The following CRK variants were observed in gnomAD, a reference collection of about 807,000 sequenced individuals.
The protein encoded by CRK is CRK proto-oncogene, adaptor protein, also known as adapter molecule crk.
A neutral mutation model predicts 29.8 loss-of-function variants in CRK; 4 were observed. The ratio of observed to expected loss-of-function variants is 0.13; its 90% CI spans 0.07 to 0.31. The LOEUF is 0.31. CRK is among the 10% of genes least tolerant of loss of function. CRK has a pLI of 1.00. For synonymous variants in CRK, 153 were observed against 164.9 expected, an observed-to-expected ratio of 0.93 and a Z score of 0.55; for missense variants, 274 against 396.5, an observed-to-expected ratio of 0.69 and a Z score of 2.62.
At chr17:1,449,667 AGCT>A (rs2074002910) in intron 1 of CRK, among the ~76,000 whole-genome samples, 1 of 152,146 alleles carries the variant, frequency 6.6e-6, no homozygotes, top group South Asian at 2.1e-4. Context: ...TGAAAGGTTT[AGCT>A]GTTCAAGAGA....
intron 2 of CRK, among the ~76,000 whole-genome samples, chr17:1,427,551 C>T (rs1313159395): frequency 6.6e-6 from 1 of 151,938 alleles, no homozygotes; most frequent in Non-Finnish European, 1.5e-5. Flanking sequence ...CGAGATCACG[C>T]CACTGCACTC....
rs187988198 is a variant in CRK, at chr17:1,430,858, C to G, written c.777+5762G>C. ...CGAGGTGGGTGGATCACGAGGTCAG[C>G]AGATCGAGACCATCCTGGCTAACAC... On this transcript the variant is annotated intron_variant, in intron 2 of 2. Transcript: ENST00000300574. 6.9e-3 allele frequency among the ~76,000 whole-genome samples: 1,047 copies of G among 150,960 alleles called. 8 individuals carry two copies. The highest frequency in any genetic ancestry group is 0.01 in the Non-Finnish European group (702 of 67,632).
At chr17:1,455,343 G>T (rs1362110663) in intron 1 of CRK, among the ~76,000 whole-genome samples, 1 of 152,122 alleles carries the variant, frequency 6.6e-6, no homozygotes, top group Non-Finnish European at 1.5e-5. Context: ...GCCCAAGAAA[G>T]GAAAAAATTG....
intron 1 of CRK, among the ~76,000 whole-genome samples, chr17:1,450,519 G>GA (rs143344163): frequency 0.49 from 72,907 of 149,740 alleles, 18,396 homozygotes; most frequent in South Asian, 0.59. Flanking sequence ...CTCAAAAAAA[G>GA]AAAAAAAACA....
chr17:1,440,115 C>T (rs376655965), intron 1 of CRK, among the ~76,000 whole-genome samples: 2 of 151,406 alleles, frequency 1.3e-5, no homozygotes, highest in African/African-American at 4.9e-5. Flanking sequence ...CTGGCTAACA[C>T]GGTGAAACCC....
chr17:1,454,065 G>T (rs549005463), intron 1 of CRK, among the ~76,000 whole-genome samples: 7 of 151,916 alleles, frequency 4.6e-5, no homozygotes, highest in African/African-American at 1.7e-4. Context: ...AGCTGGGCGT[G>T]GTGGTGATGC....
intron 1 of CRK, among the ~76,000 whole-genome samples, chr17:1,448,971 G>A (rs1278061315): frequency 6.6e-6 from 1 of 152,160 alleles, no homozygotes; most frequent in East Asian, 1.9e-4. Flanking sequence ...TGAGGCTGTA[G>A]TGAGCTATGA....
chr17:1,442,603 G>A (rs1184646856), intron 1 of CRK, among the ~76,000 whole-genome samples: 2 of 132,524 alleles, frequency 1.5e-5, no homozygotes, highest in Non-Finnish European at 3.2e-5. Context: ...TGTGTGAAAG[G>A]GTCTTTTTTT....
intron 1 of CRK, among the ~76,000 whole-genome samples, chr17:1,443,783 T>C (rs892978983): frequency 5.3e-5 from 8 of 150,764 alleles, no homozygotes; most frequent in Non-Finnish European, 1.2e-4. Context: ...CAATGCAACC[T>C]CTGCCTCCTG....
At chr17:1,449,955 T>C (rs1485256952) in intron 1 of CRK, among the ~76,000 whole-genome samples, 1 of 152,092 alleles carries the variant, frequency 6.6e-6, no homozygotes, top group African/African-American at 2.4e-5. Context: ...TCCTAACACT[T>C]TGGGAGGTCA....
Position 1,423,401 on chromosome 17 carries a change from T to A in CRK, c.*112A>T. 4.6e-6 allele frequency: 6 copies of A among 1,303,004 alleles called. No homozygotes were observed. The highest frequency in any genetic ancestry group is 6.3e-6 in the Non-Finnish European group (6 of 949,190). The allele number at this position is 1,303,004 out of a possible 1,614,324, so 80.7% of individuals were successfully genotyped here. The stretch of plus-strand genomic sequence containing the variant: ...CTAAAAAATATCACAGGTAACAGAA[T>A]GCTTATATAAACTAGACTGCTTTTG... On this transcript the variant is annotated 3_prime_UTR_variant, in exon 3 of 3. Transcript: ENST00000300574.
chr17:1,453,436 C>T (rs1386886073), intron 1 of CRK, among the ~76,000 whole-genome samples: 1 of 152,086 alleles, frequency 6.6e-6, no homozygotes, highest in African/African-American at 2.4e-5. Flanking sequence ...CATCATGTGA[C>T]GACATATAAT....
chr17:1,425,960 TG>T (rs948771863), intron 2 of CRK, among the ~76,000 whole-genome samples: 1 of 151,436 alleles, frequency 6.6e-6, no homozygotes, highest in Non-Finnish European at 1.5e-5. Flanking sequence ...GAAACTGAGG[TG>T]GGGGGATGGC....
chr17:1,448,620 CAAAAAA>C (rs1292024313), intron 1 of CRK, among the ~76,000 whole-genome samples: 3 of 32,360 alleles, frequency 9.3e-5, no homozygotes, highest in Non-Finnish European at 1.6e-4. Context: ...GACTCCATCT[CAAAAAA>C]AAAAAAAAAA....
chr17:1,445,993 G>A (rs1216296386), intron 1 of CRK, among the ~76,000 whole-genome samples: 2 of 152,178 alleles, frequency 1.3e-5, no homozygotes, highest in Non-Finnish European at 2.9e-5. Flanking sequence ...TTGATCTCTT[G>A]ACCTTGTGAT....
chr17:1,452,190 T>A (rs79151873), intron 1 of CRK, among the ~76,000 whole-genome samples: 1 of 152,064 alleles, frequency 6.6e-6, no homozygotes, highest in South Asian at 2.1e-4. Context: ...TGTGTGACCT[T>A]AAGCAAGTTA....
intron 1 of CRK, among the ~76,000 whole-genome samples, chr17:1,443,301 C>G (rs1187269570): frequency 6.6e-6 from 1 of 152,076 alleles, no homozygotes; most frequent in Non-Finnish European, 1.5e-5. Context: ...ACTTTCTAGG[C>G]TTAAGCAATT....
chr17:1,437,272 G>A, intron 1 of CRK, 117 bp from the exon 2 acceptor site: 1 of 1,124,420 alleles, frequency 8.9e-7, no homozygotes, highest in Middle Eastern at 2.7e-4. Flanking sequence ...GGCTGGTCTT[G>A]ACCTCCGGGG....
intron 1 of CRK, among the ~76,000 whole-genome samples, chr17:1,444,593 A>C (rs200596152): frequency 2.0e-5 from 1 of 50,968 alleles, no homozygotes. Context: ...GGGAAGCCGA[A>C]GCGGGGGGGG....
Sources: gnomAD v4.1 joint callset for allele counts (sites outside exome capture counted in the v4.1 genomes callset) on GRCh38, gnomAD v4.1.1 for gene constraint, MANE v1.5 for transcripts, NCBI Gene and HGNC (gene_info 2026-07-23, HGNC 2026-07-21) for gene names.